The following MAP2K1 variants were observed in gnomAD, a reference collection of about 807,000 sequenced individuals.
The protein encoded by MAP2K1 is mitogen-activated protein kinase kinase 1.
A neutral mutation model predicts 46.3 loss-of-function variants in MAP2K1; 16 were observed. The observed-to-expected ratio is 0.35, with a 90% CI of 0.23 to 0.52. The LOEUF is 0.52. Among genes scored for constraint, MAP2K1 ranks in the 20% least tolerant of loss-of-function variants. The pLI, the probability that MAP2K1 is intolerant of heterozygous loss-of-function variation, is 0.94. For synonymous variants in MAP2K1, 183 were observed against 185.6 expected (o/e 0.99, Z 0.11); for missense variants, 263 against 497.1 (o/e 0.53, Z 4.48).
chr15:66,481,922 A>T, intron 6 of MAP2K1, 43 bp downstream of exon 6: 1 of 1,603,452 alleles, frequency 6.2e-7, no homozygotes, highest in Non-Finnish European at 8.5e-7. Context: ...TTGTACGGTC[A>T]GGGAGAGGAG....
intron 2 of MAP2K1, among the ~76,000 whole-genome samples, chr15:66,435,541 T>C (rs2093485741): frequency 6.6e-6 from 1 of 152,078 alleles, no homozygotes; most frequent in South Asian, 2.1e-4. Context: ...TTGGTCAAGC[T>C]GATCTCGAAC....
chr15:66,490,953 G>A lies in MAP2K1; in HGVS notation c.*338G>A. 2.3e-6 allele frequency: 1 copy of A among 441,948 alleles called. No individual in the cohort carries two copies. The allele number at this position is 441,948 out of a possible 1,614,324, so 27.4% of individuals were successfully genotyped here. A position where few individuals can be genotyped will look rare whatever the true frequency, so the allele number is the denominator to read the frequency against. ...GCACTGCTGTTCCTGCTCCATGACT[G>A]GCTGTCTGCCTGTATTTTCGGGATT... On this transcript the variant is annotated 3_prime_UTR_variant, in exon 11 of 11. Coordinates refer to ENST00000307102, the MANE Select transcript of MAP2K1 (RefSeq NM_002755.4).
rs553641242 is a variant in MAP2K1, at chr15:66,399,090, A to G, written c.80+11663A>G. 3.9e-5 allele frequency among the ~76,000 whole-genome samples: 6 copies of G among 152,264 alleles called. No individual in the cohort carries two copies. The East Asian group carries it at 1.2e-3, about 29-fold the overall frequency. On this transcript the variant is annotated intron_variant, in intron 1 of 10. Transcript: ENST00000307102. ...GCCTGGCTGTATTGCTAAATTTTTA[A>G]TGTAATGATGGTACAGATATTATAT...
chr15:66,400,663 A>G (rs755760271), intron 1 of MAP2K1, among the ~76,000 whole-genome samples: 2 of 152,124 alleles, frequency 1.3e-5, no homozygotes, highest in South Asian at 2.1e-4. Context: ...GCTCAGTTAC[A>G]TGTTTGCTAA....
At chr15:66,480,339 C>G (rs1401060299) in intron 5 of MAP2K1, among the ~76,000 whole-genome samples, 1 of 152,130 alleles carries the variant, frequency 6.6e-6, no homozygotes, top group Non-Finnish European at 1.5e-5. Context: ...ATCTTCCTGC[C>G]TTGGCCTCCC....
intron 10 of MAP2K1, 173 bp from the exon 11 acceptor site, chr15:66,490,329 G>A: frequency 1.4e-6 from 1 of 710,256 alleles, no homozygotes; most frequent in African/African-American, 1.7e-5. Context: ...GTGACTGGTG[G>A]AGCAGGTCTT....
At chr15:66,456,068 C>T (rs778819422) in intron 5 of MAP2K1, among the ~76,000 whole-genome samples, 27 of 152,236 alleles carry the variant, frequency 1.8e-4, no homozygotes, top group Admixed American at 2.6e-4. Context: ...CGTGTCTATT[C>T]GCCTACCTCC....
At chr15:66,441,685 A>G (rs192556158) in intron 3 of MAP2K1, among the ~76,000 whole-genome samples, 4 of 151,816 alleles carry the variant, frequency 2.6e-5, no homozygotes, top group Admixed American at 6.6e-5. Flanking sequence ...CTTACCTCTT[A>G]TGAATATATT....
At chr15:66,485,780 A>G (rs943495524) in intron 7 of MAP2K1, among the ~76,000 whole-genome samples, 7 of 151,748 alleles carry the variant, frequency 4.6e-5, no homozygotes, top group Non-Finnish European at 8.8e-5. Context: ...TAGTCTCCTT[A>G]TGTTGCTCAG....
intron 1 of MAP2K1, among the ~76,000 whole-genome samples, chr15:66,431,512 C>T (rs937168739): frequency 1.3e-5 from 2 of 152,176 alleles, no homozygotes; most frequent in South Asian, 2.1e-4. Context: ...TGGATCCTGC[C>T]GTTGCTGCCT....
intron 3 of MAP2K1, among the ~76,000 whole-genome samples, chr15:66,438,782 C>G (rs542622993): frequency 2.6e-5 from 4 of 152,238 alleles, no homozygotes; most frequent in African/African-American, 9.6e-5. Context: ...GTGTCTGGCA[C>G]CTGTTAGGTG....
chr15:66,421,142 A>AT (rs2093442475), intron 1 of MAP2K1, among the ~76,000 whole-genome samples: 1 of 146,594 alleles, frequency 6.8e-6, no homozygotes, highest in African/African-American at 2.5e-5. Context: ...ATATATATAA[A>AT]TTTTTTTTTC....
intron 1 of MAP2K1, among the ~76,000 whole-genome samples, chr15:66,416,290 ACTT>A (rs1046561864): frequency 1.2e-3 from 177 of 152,018 alleles, no homozygotes; most frequent in African/African-American, 3.9e-3. Flanking sequence ...TTGTTGCTGT[ACTT>A]CTTCTTAGTA....
At chr15:66,483,294 C>T (rs909939879) in intron 6 of MAP2K1, among the ~76,000 whole-genome samples, 9 of 152,186 alleles carry the variant, frequency 5.9e-5, no homozygotes, top group Non-Finnish European at 8.8e-5. Context: ...CACTGACCCA[C>T]ATCCCCACCC....
chr15:66,465,202 G>A (rs564363176), intron 5 of MAP2K1, among the ~76,000 whole-genome samples: 42 of 152,130 alleles, frequency 2.8e-4, no homozygotes, highest in African/African-American at 3.9e-4. Context: ...AGGACAAGTC[G>A]CAGACAAAAC....
At position 66,489,468 on chromosome 15, in the gene MAP2K1, A is replaced by C; in HGVS notation, c.1022+192A>C. 3 of 677,970 alleles carry C rather than the reference A, an allele frequency of 4.4e-6. No homozygotes were observed. The Admixed American group carries it at 7.0e-5, about 16-fold the overall frequency. 42.0% of individuals were successfully genotyped at this position (677,970 alleles called of 1,614,324 possible). A position where few individuals can be genotyped will look rare whatever the true frequency, so the allele number is the denominator to read the frequency against. On this transcript the variant is annotated intron_variant, in intron 9 of 10. Coordinates refer to ENST00000307102, the MANE Select transcript of MAP2K1 (RefSeq NM_002755.4). ...CTTATGTGGCATGTCTAACTACATC[A>C]TGGATGTAGTAGCTGCTCCTTTTGG...
At chr15:66,398,667 A>G (rs1183117316) in intron 1 of MAP2K1, among the ~76,000 whole-genome samples, 1 of 152,216 alleles carries the variant, frequency 6.6e-6, no homozygotes, top group East Asian at 1.9e-4. Flanking sequence ...CAAAACAGAA[A>G]AAAAAATGTA....
At chr15:66,393,320 G>A (rs1012335618) in intron 1 of MAP2K1, among the ~76,000 whole-genome samples, 2 of 152,010 alleles carry the variant, frequency 1.3e-5, no homozygotes, top group Non-Finnish European at 2.9e-5. Flanking sequence ...TGGGATTACA[G>A]GTGCCTGACA....
chr15:66,466,371 G>A lies in MAP2K1; in HGVS notation c.569-15384G>A, dbSNP rs146899322. ...ATATGCTTCAATTTTTTTCATAGGC[G>A]TATGTATACTTTATTGTTAAAACCT... On this transcript the variant is annotated intron_variant, in intron 5 of 10. Transcript: ENST00000307102. Among the ~76,000 whole-genome samples, 11 of 152,266 alleles carry A rather than the reference G, an allele frequency of 7.2e-5. No homozygotes were observed. The East Asian group carries it at 7.7e-4, about 11-fold the overall frequency.
Sources: allele counts gnomAD v4.1 joint callset (sites outside exome capture counted in the v4.1 genomes callset), GRCh38; gene constraint gnomAD v4.1.1; transcripts MANE v1.5; gene names NCBI Gene and HGNC (gene_info 2026-07-23, HGNC 2026-07-21).